MAP1S: variants seen among roughly 807,000 people sequenced by gnomAD.
The protein encoded by MAP1S is microtubule associated protein 1S, also known as microtubule-associated protein 1S.
A neutral mutation model predicts 60.9 loss-of-function variants in MAP1S; 27 were observed. The observed-to-expected ratio is 0.44, with a 90% CI of 0.33 to 0.61. The LOEUF (loss-of-function observed/expected upper bound fraction) is 0.61. Among genes scored for constraint, MAP1S ranks in the 20% least tolerant of loss-of-function variants. The probability of loss-of-function intolerance (pLI) is 0.03; values close to 1 mark genes in which losing one functional copy is unlikely to be tolerated. For synonymous variants in MAP1S, 826 were observed against 694.2 expected, an observed-to-expected ratio of 1.19 and a Z score of -2.98; for missense variants, 1,608 against 1,486.6, an observed-to-expected ratio of 1.08 and a Z score of -1.34.
At position 17,719,515 on chromosome 19, in the gene MAP1S, G is replaced by A. The variant is rs1371961813; in HGVS notation, c.13G>A (p.Ala5Thr). 9 of 1,245,330 alleles carry A rather than the reference G, an allele frequency of 7.2e-6. No individual in the cohort carries two copies. The highest frequency in any genetic ancestry group is 8.1e-6 in the Non-Finnish European group (8 of 987,524). The allele number at this position is 1,245,330 out of a possible 1,614,324, so 77.1% of individuals were successfully genotyped here. The change falls in exon 1 of 7, where the codon GCT (alanine) becomes ACT (threonine). Residue 5 changes from alanine (A) to threonine (T), a missense_variant. Physicochemically the swap from Ala to Thr is moderately conservative, Grantham distance 58. Coordinates refer to ENST00000324096, the MANE Select transcript of MAP1S (RefSeq NM_018174.6). MAAV[A>T]GSGAAAAPSS... ...GGGCGGCCCGAAGATGGCGGCGGTG[G>A]CTGGATCTGGGGCTGCCGCGGCTCC... is the stretch of plus-strand genomic sequence containing the variant.
At position 17,726,931 on chromosome 19, in the gene MAP1S, A is replaced by G; in HGVS notation, c.1547A>G (p.Glu516Gly). 1.3e-6 allele frequency: 2 copies of G among 1,569,712 alleles called. No homozygotes were observed. Among genetic ancestry groups the G allele is most frequent in the Non-Finnish European group, 1.7e-6 (2 of 1,158,142 alleles). ...CGGGCTGAGGCCCCACGCAAGACTG[A>G]GAAAGAAGCCAAGACCCCCCGGGAG... ...PARAEAPRKT[E>G]KEAKTPRELK... Residue 516 changes from glutamate (E) to glycine (G), a missense_variant, in exon 5 of 7, where the codon GAG (glutamate) becomes GGG (glycine). Physicochemically the swap from Glu to Gly is moderately conservative, Grantham distance 98. This residue lies in a region of MAP1S where 1,167 missense variants were observed against 961.4 expected (regional missense o/e 1.21). Transcript: ENST00000324096.
rs763696054 is a variant in MAP1S at position 17,727,305 on chromosome 19, C to T, written c.1921C>T (p.Pro641Ser). 9.4e-5 allele frequency: 149 copies of T among 1,591,780 alleles called. No individual in the cohort carries two copies. The Admixed American group carries it at 2.5e-3, about 27-fold the overall frequency. ...AATCCCAAGGCCACGCACACCCTCC[C>T]CTGAGTCCCACCGGAGCCCCGCAGA... ...SSIPRPRTPS[P>S]ESHRSPAEGS... The change falls in exon 5 of 7, where the codon CCT becomes TCT. Residue 641 changes from proline to serine, a missense_variant. Transcript: ENST00000324096. This position sits in a 1 kb window ranked among gnomAD's most constrained non-coding sequence, Gnocchi z 4.1.
chr19:17,720,571 C>T, intron 1 of MAP1S: 2 of 1,405,658 alleles, frequency 1.4e-6, no homozygotes, highest in Non-Finnish European at 1.9e-6. Flanking sequence ...GGGGGAAGGG[C>T]CCCCTGGCCA....
At chr19:17,721,194 CCT>C in intron 2 of MAP1S, 157 bp downstream of exon 2, 1 of 681,914 alleles carries the variant, frequency 1.5e-6, no homozygotes, top group Non-Finnish European at 2.7e-6. Context: ...GTGATAACCC[CCT>C]CAGTCCTCAG....
chr19:17,734,479 T>A lies in MAP1S; in HGVS notation c.*51T>A. ...CAGCCCAGCCCGCCTGTCCCTAGAT[T>A]CAGCCACATCAGAAATAAACTGTGA... On this transcript the variant is annotated 3_prime_UTR_variant, in exon 7 of 7. Coordinates refer to ENST00000324096, the MANE Select transcript of MAP1S (RefSeq NM_018174.6). The A allele has an allele frequency of 6.4e-7, 1 of 1,564,940 alleles. No individual in the cohort carries two copies.
rs1434753703 is a variant in MAP1S at position 17,725,183 on chromosome 19, C to G, written c.438C>G (p.Asp146Glu). The G allele has an allele frequency of 5.0e-6, 8 of 1,611,710 alleles. No homozygotes were observed. The highest frequency in any genetic ancestry group is 6.8e-6 in the Non-Finnish European group (8 of 1,178,716). Reference protein sequence around the residue: ...SPHHFLQVLKDREIRDILATT... With the variant: ...SPHHFLQVLKEREIRDILATT... Reference sequence around the variant, plus strand: ...ACCACTTCCTCCAGGTCCTGAAGGACAGAGAGGTAAGCCACCCCTTTGCCA... The same window carrying G: ...ACCACTTCCTCCAGGTCCTGAAGGAGAGAGAGGTAAGCCACCCCTTTGCCA... Residue 146 changes from aspartate to glutamate, a missense_variant, in exon 4 of 7, where the codon GAC becomes GAG. Physicochemically the swap from Asp to Glu is conservative, Grantham distance 45 (BLOSUM62 2). This residue lies in a region of MAP1S where 320 missense variants were observed against 393.1 expected (regional missense o/e 0.81). Transcript: ENST00000324096. The surrounding 1 kb of genome is among the most constrained non-coding windows in gnomAD (Gnocchi z 4.2).
rs2080452280 is a variant in MAP1S at position 17,727,724 on chromosome 19, G to A, written c.2340G>A (p.Glu780=). 2 of 1,606,584 alleles carry A rather than the reference G, an allele frequency of 1.2e-6. No homozygotes were observed. Among genetic ancestry groups the A allele is most frequent in the African/African-American group, 1.3e-5 (1 of 74,756 alleles). Residue 780 remains glutamate, a synonymous_variant, in exon 5 of 7, where the codon GAG becomes GAA. Transcript: ENST00000324096. The surrounding 1 kb of genome is among the most constrained non-coding windows in gnomAD (Gnocchi z 4.1). ...SQERAGGLGA[E]ETPPTSVSES... ...AACGGGCAGGTGGGCTGGGGGCCGAGGAGACGCCACCCACATCGGTCAGCG... is the reference window on the plus strand; with the variant it reads ...AACGGGCAGGTGGGCTGGGGGCCGAAGAGACGCCACCCACATCGGTCAGCG...
In MAP1S at chr19:17,734,450, C is replaced by G. The variant is rs201403714; in HGVS notation, c.*22C>G. ...CTAGCCCCATCGCCGACACGCCCCC[C>G]ACTCAGCCCAGCCCGCCTGTCCCTA... On this transcript the variant is annotated 3_prime_UTR_variant, in exon 7 of 7. Transcript: ENST00000324096. The G allele has an allele frequency of 8.8e-6, 14 of 1,594,274 alleles. No individual in the cohort carries two copies. Among genetic ancestry groups the G allele is most frequent in the Middle Eastern group, 3.3e-4 (2 of 5,986 alleles).
chr19:17,724,510 G>A (rs1439249231), intron 3 of MAP1S, among the ~76,000 whole-genome samples: 1 of 152,134 alleles, frequency 6.6e-6, no homozygotes, highest in East Asian at 1.9e-4. Flanking sequence ...CCTCCTGTGG[G>A]TTCCCTCCGG....
At chr19:17,733,893 G>A (rs1225861758) in intron 6 of MAP1S, among the ~76,000 whole-genome samples, 1 of 152,220 alleles carries the variant, frequency 6.6e-6, no homozygotes, top group African/African-American at 2.4e-5. Flanking sequence ...TGCTAGGCTG[G>A]CTTCAAAGGA....
At position 17,725,194 on chromosome 19, in the gene MAP1S, G is replaced by C. The variant is rs1215937394; in HGVS notation, c.444+5G>C. The C allele has an allele frequency of 1.9e-6, 3 of 1,607,248 alleles. No homozygotes were observed. The African/African-American group carries it at 4.0e-5, about 21-fold the overall frequency. On this transcript the variant is annotated splice_donor_5th_base_variant and intron_variant, in intron 4 of 6. Transcript: ENST00000324096. The surrounding 1 kb of genome is among the most constrained non-coding windows in gnomAD (Gnocchi z 4.2). The stretch of plus-strand genomic sequence containing the variant: ...CAGGTCCTGAAGGACAGAGAGGTAA[G>C]CCACCCCTTTGCCATCCCCTGCTTC...
chr19:17,733,162 C>T lies in MAP1S; in HGVS notation c.2789-31C>T, dbSNP rs546457009. 1,626 of 1,420,978 alleles carry T rather than the reference C, an allele frequency of 1.1e-3. 5 individuals carry two copies. The Middle Eastern group carries it at 0.014, about 12-fold the overall frequency. The allele number at this position is 1,420,978 out of a possible 1,614,324, so 88.0% of individuals were successfully genotyped here. On this transcript the variant is annotated intron_variant, in intron 5 of 6. Transcript: ENST00000324096. ...CGGCCCCTCCCCAGCCCCAGGAGCT[C>T]ATCCCTGCCTCCCCATCCCCCCGCC...
chr19:17,734,039 C>T (rs552669766), intron 6 of MAP1S, among the ~76,000 whole-genome samples: 13 of 152,276 alleles, frequency 8.5e-5, no homozygotes, highest in African/African-American at 2.6e-4. Context: ...GGAGGAGCTC[C>T]GTCTCCTGTG....
In MAP1S at chr19:17,727,177, G is replaced by A. The variant is rs2080440262; in HGVS notation, c.1793G>A (p.Cys598Tyr). 2.5e-6 allele frequency: 4 copies of A among 1,579,758 alleles called. No individual in the cohort carries two copies. The highest frequency in any genetic ancestry group is 1.4e-5 in the African/African-American group (1 of 74,058). Residue 598 changes from cysteine (C) to tyrosine (Y), a missense_variant, in exon 5 of 7, where the codon TGC (cysteine) becomes TAC (tyrosine). By Grantham distance (194) the Cys-to-Tyr change is radical. This residue lies in a region of MAP1S where 1,167 missense variants were observed against 961.4 expected (regional missense o/e 1.21). Transcript: ENST00000324096. The surrounding 1 kb of genome is among the most constrained non-coding windows in gnomAD (Gnocchi z 4.1). ...GAAGCCAGCCCCCCCAGTGCAGCCT[G>A]CGGCTCTCCGGCCTCCCAGCTGGTG... is the stretch of plus-strand genomic sequence containing the variant. Reference protein sequence around the residue: ...CGEASPPSAACGSPASQLVAT... With the variant: ...CGEASPPSAAYGSPASQLVAT...
chr19:17,725,028 A>G lies in MAP1S; in HGVS notation c.304-21A>G. 1 of 1,614,068 alleles carries G rather than the reference A, an allele frequency of 6.2e-7. No homozygotes were observed. The highest frequency in any genetic ancestry group is 8.5e-7 in the Non-Finnish European group (1 of 1,180,004). On this transcript the variant is annotated intron_variant, in intron 3 of 6. Transcript: ENST00000324096. The surrounding 1 kb of genome is among the most constrained non-coding windows in gnomAD (Gnocchi z 4.2). ...CGTCACTGCACAGAACGGGTCCTTT[A>G]GTGTTCACCCCCTCCCTCAGCTCCG... is the stretch of plus-strand genomic sequence containing the variant.
At chr19:17,732,111 G>A (rs778782831) in intron 5 of MAP1S, among the ~76,000 whole-genome samples, 1 of 152,252 alleles carries the variant, frequency 6.6e-6, no homozygotes, top group African/African-American at 2.4e-5. Context: ...TCAGTTCCTC[G>A]GAAAAGTTTG....
Position 17,727,986 on chromosome 19 carries a change from C to T in MAP1S, c.2602C>T (p.Arg868Cys), listed in dbSNP as rs139554039. ...NVSRTRKPLA[R>C]PNSRAAAPKA... ...CAGCCGCACCCGGAAGCCCCTGGCC[C>T]GCCCCAACTCACGCGCTGCCGCCCC... Residue 868 changes from arginine to cysteine, a missense_variant, in exon 5 of 7, where the codon CGC becomes TGC. Arg to Cys is a radical substitution (Grantham distance 180). Coordinates refer to ENST00000324096, the MANE Select transcript of MAP1S (RefSeq NM_018174.6). This position sits in a 1 kb window ranked among gnomAD's most constrained non-coding sequence, Gnocchi z 4.1. The T allele has an allele frequency of 8.1e-6, 13 of 1,610,196 alleles. No homozygotes were observed. Among genetic ancestry groups the T allele is most frequent in the Admixed American group, 3.4e-5 (2 of 59,616 alleles).
intron 2 of MAP1S, among the ~76,000 whole-genome samples, chr19:17,723,139 C>T (rs2080386091): frequency 6.6e-6 from 1 of 152,120 alleles, no homozygotes; most frequent in Admixed American, 6.6e-5. Flanking sequence ...AGCCCCGGCC[C>T]TTATGCTGCC....
chr19:17,726,468 C>T lies in MAP1S; in HGVS notation c.1084C>T (p.Leu362=). ...EDEAELALSL[L]AQLGITPLPL... ...TGAGGCGGAGCTGGCGCTGAGCCTC[C>T]TGGCGCAGCTGGGCATCACGCCTCT... is the stretch of plus-strand genomic sequence containing the variant. The change falls in exon 5 of 7, where the codon CTG becomes TTG. Residue 362 remains leucine, a synonymous_variant. Coordinates refer to ENST00000324096, the MANE Select transcript of MAP1S (RefSeq NM_018174.6). 6.5e-7 allele frequency: 1 copy of T among 1,549,814 alleles called. No individual in the cohort carries two copies. The highest frequency in any genetic ancestry group is 8.7e-7 in the Non-Finnish European group (1 of 1,152,944).
Sources: allele counts gnomAD v4.1 joint callset (sites outside exome capture counted in the v4.1 genomes callset), GRCh38; gene constraint gnomAD v4.1.1; regional missense constraint gnomAD v4.1.1; non-coding constraint Gnocchi (gnomAD v3.1); transcripts MANE v1.5; gene names NCBI Gene and HGNC (gene_info 2026-07-23, HGNC 2026-07-21).